ADGRL2: variants seen among roughly 807,000 people sequenced by gnomAD.
The protein encoded by ADGRL2 is calcium-independent alpha-latrotoxin receptor 2.
A neutral mutation model predicts 157.4 loss-of-function variants in ADGRL2; 44 were observed. The ratio of observed to expected loss-of-function variants is 0.28; its 90% CI spans 0.22 to 0.36. The LOEUF is 0.36. Among genes scored for constraint, ADGRL2 ranks in the 10% least tolerant of loss-of-function variants. The probability of loss-of-function intolerance (pLI) is 1.00; values close to 1 mark genes in which losing one functional copy is unlikely to be tolerated. For synonymous variants in ADGRL2, 585 were observed against 624.7 expected (o/e 0.94, Z 0.95); for missense variants, 1,510 against 1,768.9 (o/e 0.85, Z 2.63).
chr1:81,607,823 A>T (rs373828757), intron 3 of ADGRL2, among the ~76,000 whole-genome samples: 9 of 152,280 alleles, frequency 5.9e-5, no homozygotes, highest in Admixed American at 4.6e-4. Context: ...GTACTTACTG[A>T]GTTTAGAAAA....
intron 1 of ADGRL2, among the ~76,000 whole-genome samples, chr1:81,711,289 G>A (rs1040130191): frequency 1.3e-5 from 2 of 152,150 alleles, no homozygotes; most frequent in African/African-American, 4.8e-5. Flanking sequence ...AAAAATATCT[G>A]CACAGCACCT....
At chr1:81,564,638 G>A (rs1182396559) in intron 2 of ADGRL2, among the ~76,000 whole-genome samples, 1 of 152,098 alleles carries the variant, frequency 6.6e-6, no homozygotes, top group Non-Finnish European at 1.5e-5. Flanking sequence ...TCTTATCTCA[G>A]AAGTGACATC....
chr1:81,423,589 T>C (rs1440108942), intron 1 of ADGRL2, among the ~76,000 whole-genome samples: 1 of 152,190 alleles, frequency 6.6e-6, no homozygotes, highest in Non-Finnish European at 1.5e-5. Flanking sequence ...GCATAATTAT[T>C]TTACAATATT....
At chr1:81,555,958 T>C (rs966987485) in intron 2 of ADGRL2, among the ~76,000 whole-genome samples, 1 of 151,818 alleles carries the variant, frequency 6.6e-6, no homozygotes, top group Non-Finnish European at 1.5e-5. Context: ...GCAGAATGAA[T>C]GGCAAAATTT....
At chr1:81,980,110 T>C (rs780864770) in intron 18 of ADGRL2, 150 bp downstream of exon 18, 19 of 565,098 alleles carry the variant, frequency 3.4e-5, no homozygotes, top group Non-Finnish European at 5.1e-5. Context: ...AGTGTTACTA[T>C]ATCACTGATA....
At chr1:81,989,889 T>C (rs916473917) in intron 23 of ADGRL2, 6 of 985,290 alleles carry the variant, frequency 6.1e-6, no homozygotes, top group African/African-American at 1.7e-5. Flanking sequence ...GTTTAAAAAG[T>C]TGCTTGCCAG....
chr1:81,674,302 G>A (rs962389591), intron 3 of ADGRL2, among the ~76,000 whole-genome samples: 1 of 152,096 alleles, frequency 6.6e-6, no homozygotes, highest in Admixed American at 6.6e-5. Flanking sequence ...TGAAACTATG[G>A]AAGTAATACC....
chr1:81,356,873 A>G (rs936059362), intron 1 of ADGRL2, among the ~76,000 whole-genome samples: 23 of 141,034 alleles, frequency 1.6e-4, no homozygotes, highest in Non-Finnish European at 3.2e-4. Flanking sequence ...GAATGGCGTG[A>G]ACCCGGGAGG....
At chr1:81,893,885 T>G (rs2094324275) in intron 2 of ADGRL2, among the ~76,000 whole-genome samples, 1 of 152,196 alleles carries the variant, frequency 6.6e-6, no homozygotes, top group South Asian at 2.1e-4. Context: ...CCTTATCATT[T>G]CATTAAAAAT....
At chr1:81,616,646 G>GT (rs370929751) in intron 3 of ADGRL2, among the ~76,000 whole-genome samples, 739 of 111,034 alleles carry the variant, frequency 6.7e-3, no homozygotes, top group African/African-American at 0.018. Flanking sequence ...AGTTTTTTGG[G>GT]TTTTTTTTTT....
intron 1 of ADGRL2, among the ~76,000 whole-genome samples, chr1:81,724,922 A>G (rs2084461722): frequency 6.6e-6 from 1 of 152,158 alleles, no homozygotes; most frequent in Non-Finnish European, 1.5e-5. Context: ...TAAAAACACC[A>G]CAGCCGGGCA....
At chr1:81,736,575 T>C (rs1038667611) in intron 1 of ADGRL2, among the ~76,000 whole-genome samples, 4 of 152,220 alleles carry the variant, frequency 2.6e-5, no homozygotes, top group Non-Finnish European at 4.4e-5. Flanking sequence ...TTCCTTGACA[T>C]GGACATAAGA....
chr1:81,637,912 CTTT>C (rs5775626), intron 3 of ADGRL2, among the ~76,000 whole-genome samples: 2 of 143,318 alleles, frequency 1.4e-5, no homozygotes, highest in African/African-American at 2.6e-5. Context: ...AAAAGGTATG[CTTT>C]TTTTTTTTTG....
chr1:81,914,202 A>G lies in ADGRL2; in HGVS notation c.287+6972A>G, dbSNP rs183174407. Among the ~76,000 whole-genome samples, 518 of 152,276 alleles carry G rather than the reference A, an allele frequency of 3.4e-3. 1 individual carries two copies. The highest frequency in any genetic ancestry group is 5.9e-3 in the Non-Finnish European group (401 of 68,018). On this transcript the variant is annotated intron_variant, in intron 3 of 23. Transcript: ENST00000686636. Reference sequence around the variant, plus strand: ...TTTTTACATTGATCATCCATTCTTCATAAAGAAGCTTTGTATCCAAGTCAG... The same window carrying G: ...TTTTTACATTGATCATCCATTCTTCGTAAAGAAGCTTTGTATCCAAGTCAG...
intron 13 of ADGRL2, among the ~76,000 whole-genome samples, chr1:81,967,091 A>G (rs543564071): frequency 3.9e-5 from 6 of 152,288 alleles, no homozygotes; most frequent in Non-Finnish European, 7.4e-5. Flanking sequence ...CTTAAAATGC[A>G]AGTTGATACT....
chr1:81,354,644 G>A (rs749411910), intron 1 of ADGRL2, among the ~76,000 whole-genome samples: 2 of 152,002 alleles, frequency 1.3e-5, no homozygotes, highest in African/African-American at 2.4e-5. Context: ...GACAGGCCTC[G>A]TTTTCCTGTA....
intron 2 of ADGRL2, among the ~76,000 whole-genome samples, chr1:81,893,890 A>G (rs2094324502): frequency 6.6e-6 from 1 of 152,198 alleles, no homozygotes; most frequent in African/African-American, 2.4e-5. Context: ...TCATTTCATT[A>G]AAAATTGAAC....
chr1:81,310,397 C>G (rs111632354), intron 1 of ADGRL2, among the ~76,000 whole-genome samples: 1 of 152,082 alleles, frequency 6.6e-6, no homozygotes. Context: ...GTTTATTTGA[C>G]CTGTGGATAT....
At chr1:81,670,805 C>T (rs2148915226) in intron 3 of ADGRL2, among the ~76,000 whole-genome samples, 1 of 152,316 alleles carries the variant, frequency 6.6e-6, no homozygotes, top group Middle Eastern at 3.4e-3. Flanking sequence ...GCCTTAACCT[C>T]CCAGGCTCAA....
Sources: allele counts gnomAD v4.1 joint callset (sites outside exome capture counted in the v4.1 genomes callset), GRCh38; gene constraint gnomAD v4.1.1; transcripts MANE v1.5; gene names NCBI Gene and HGNC (gene_info 2026-07-23, HGNC 2026-07-21).